LRP8: variants seen among roughly 807,000 people sequenced by gnomAD.
LRP8 encodes low-density lipoprotein receptor-related protein 8.
LRP8 carries 46 observed loss-of-function variants against 111.6 expected under a neutral mutation model. The observed-to-expected ratio is 0.41, with a 90% confidence interval of 0.33 to 0.53. The LOEUF is 0.53. Among genes scored for constraint, LRP8 ranks in the 20% least tolerant of loss-of-function variants. The pLI is 0.20. For missense variants in LRP8, 959 were observed against 1,297.4 expected (o/e 0.74, Z 4.01); for synonymous variants, 464 against 511.2 (o/e 0.91, Z 1.24).
intron 6 of LRP8, 144 bp from the exon 7 acceptor site, chr1:53,271,490 C>T: frequency 1.0e-5 from 9 of 861,852 alleles, no homozygotes; most frequent in Non-Finnish European, 1.4e-5. Context: ...CACTGAGCCT[C>T]AGCCTCATCT....
chr1:53,297,397 G>T (rs1474772274), intron 2 of LRP8, among the ~76,000 whole-genome samples: 1 of 152,202 alleles, frequency 6.6e-6, no homozygotes. Context: ...CCCAGAAGGC[G>T]AACGGTTCCC....
chr1:53,321,671 G>T (rs1654536843), intron 2 of LRP8, among the ~76,000 whole-genome samples: 1 of 151,418 alleles, frequency 6.6e-6, no homozygotes, highest in African/African-American at 2.4e-5. Flanking sequence ...CATCCCTGAG[G>T]CCCAAGGGAC....
At position 53,242,631 on chromosome 1, in the gene LRP8, G is replaced by A. The variant is rs1645662413; in HGVS notation, c.*4387C>T. Reference sequence around the variant, plus strand: ...CATGCCTGATTCTTACATCAAATATGGTAACTTTGGGGTTGGTAGGGGGAG... The same window carrying A: ...CATGCCTGATTCTTACATCAAATATAGTAACTTTGGGGTTGGTAGGGGGAG... On this transcript the variant is annotated 3_prime_UTR_variant, in exon 19 of 19. Transcript: ENST00000306052. The A allele has an allele frequency of 1.3e-5, 2 of 152,026 alleles. No homozygotes were observed. The highest frequency in any genetic ancestry group is 2.9e-5 in the Non-Finnish European group (2 of 68,024). 9.4% of individuals were successfully genotyped at this position (152,026 alleles called of 1,614,324 possible).
chr1:53,281,525 G>A (rs894369512), intron 3 of LRP8, among the ~76,000 whole-genome samples: 6 of 152,202 alleles, frequency 3.9e-5, no homozygotes, highest in Admixed American at 1.3e-4. Context: ...CCCGACCTCC[G>A]TGGTCTCTAG....
At chr1:53,278,052 C>T (rs939412976) in intron 4 of LRP8, among the ~76,000 whole-genome samples, 1 of 152,164 alleles carries the variant, frequency 6.6e-6, no homozygotes, top group Admixed American at 6.5e-5. Context: ...GTTCAGTGGC[C>T]GGGAGGAACT....
intron 2 of LRP8, among the ~76,000 whole-genome samples, chr1:53,315,403 C>T (rs1653664730): frequency 6.6e-6 from 1 of 152,230 alleles, no homozygotes; most frequent in African/African-American, 2.4e-5. Flanking sequence ...ACTGCGCATG[C>T]ACCATGCACT....
intron 2 of LRP8, among the ~76,000 whole-genome samples, chr1:53,316,625 C>T (rs1032113185): frequency 6.6e-6 from 1 of 152,202 alleles, no homozygotes; most frequent in African/African-American, 2.4e-5. Flanking sequence ...CAGACTCCCA[C>T]CATGTGAATC....
intron 2 of LRP8, among the ~76,000 whole-genome samples, chr1:53,296,815 G>A (rs1316610987): frequency 2.6e-5 from 4 of 152,214 alleles, no homozygotes; most frequent in Non-Finnish European, 4.4e-5. Flanking sequence ...CACTACCAGA[G>A]CCACCCTCTC....
chr1:53,307,248 A>G (rs1011094493), intron 2 of LRP8: 1 of 152,244 alleles, frequency 6.6e-6, no homozygotes, highest in African/African-American at 2.4e-5. Context: ...GGGTTTTCCC[A>G]TCTGTCAAAT....
At chr1:53,269,964 G>T (rs1362065359) in intron 8 of LRP8, among the ~76,000 whole-genome samples, 1 of 151,974 alleles carries the variant, frequency 6.6e-6, no homozygotes, top group African/African-American at 2.4e-5. Flanking sequence ...GGTCTGCCCA[G>T]GTCGTGCTCT....
intron 3 of LRP8, 190 bp downstream of exon 3, chr1:53,289,377 G>A: frequency 1.5e-6 from 1 of 680,066 alleles, no homozygotes; most frequent in Non-Finnish European, 2.2e-6. Context: ...CCTACAAGAG[G>A]GCTGTGAAGA....
intron 8 of LRP8, among the ~76,000 whole-genome samples, chr1:53,269,041 T>C (rs1244584185): frequency 1.3e-5 from 2 of 152,194 alleles, no homozygotes; most frequent in African/African-American, 4.8e-5. Flanking sequence ...GAGCCCTCAA[T>C]GGTTTCCCCC....
chr1:53,319,533 A>C (rs756627221), intron 2 of LRP8, among the ~76,000 whole-genome samples: 4 of 152,134 alleles, frequency 2.6e-5, no homozygotes, highest in Non-Finnish European at 5.9e-5. Flanking sequence ...CTATGCCCCC[A>C]AAGCAGCTAG....
rs1645668380 is a variant in LRP8 at position 53,242,909 on chromosome 1, T to A, written c.*4109A>T. 6.6e-6 allele frequency: 1 copy of A among 151,510 alleles called. No individual in the cohort carries two copies. The highest frequency in any genetic ancestry group is 2.4e-5 in the African/African-American group (1 of 41,262). 9.4% of individuals were successfully genotyped at this position (151,510 alleles called of 1,614,324 possible). On this transcript the variant is annotated 3_prime_UTR_variant, in exon 19 of 19. Coordinates refer to ENST00000306052, the MANE Select transcript of LRP8 (RefSeq NM_004631.5). ...AAAATTACTTTTTTATAGCACAAAG[T>A]GTTTGTAAATGCAGAGGGTTTCTGC... is the stretch of plus-strand genomic sequence containing the variant.
At chr1:53,271,004 C>T (rs369756419) in intron 8 of LRP8, 24 bp downstream of exon 8, 1 of 1,613,884 alleles carries the variant, frequency 6.2e-7, no homozygotes, top group African/African-American at 1.3e-5. Context: ...CAGAGCTGCC[C>T]CTCTGCCCTT....
At chr1:53,247,290 C>T (rs1423717546) in intron 18 of LRP8, among the ~76,000 whole-genome samples, 3 of 152,086 alleles carry the variant, frequency 2.0e-5, no homozygotes, top group Non-Finnish European at 4.4e-5. Context: ...AAATTTGATC[C>T]CAGGTCTGTA....
At chr1:53,290,978 C>G (rs1416674282) in intron 2 of LRP8, among the ~76,000 whole-genome samples, 1 of 152,118 alleles carries the variant, frequency 6.6e-6, no homozygotes, top group Non-Finnish European at 1.5e-5. Flanking sequence ...TCACACATGC[C>G]CTGTTCCTGC....
intron 4 of LRP8, among the ~76,000 whole-genome samples, chr1:53,278,676 T>C (rs974247136): frequency 1.3e-5 from 2 of 151,830 alleles, no homozygotes; most frequent in Non-Finnish European, 2.9e-5. Context: ...ATGAGCTCCC[T>C]TCCTGCCTGT....
rs961216226 is a variant in LRP8 at position 53,245,492 on chromosome 1, C to A, written c.*1526G>T. ...AAAAGAGCACTTCTCCCTTCCTCCC[C>A]CAAGGCCAAGAAAAGCAAAGAAGAT... On this transcript the variant is annotated 3_prime_UTR_variant, in exon 19 of 19. Transcript: ENST00000306052. 3.9e-5 allele frequency: 6 copies of A among 152,154 alleles called. No homozygotes were observed. Among genetic ancestry groups the A allele is most frequent in the African/African-American group, 9.7e-5 (4 of 41,434 alleles). 9.4% of individuals were successfully genotyped at this position (152,154 alleles called of 1,614,324 possible).
Sources: allele counts gnomAD v4.1 joint callset (sites outside exome capture counted in the v4.1 genomes callset), GRCh38; gene constraint gnomAD v4.1.1; transcripts MANE v1.5; gene names NCBI Gene and HGNC (gene_info 2026-07-23, HGNC 2026-07-21).